The following HCN1 variants were observed in gnomAD, a reference collection of about 807,000 sequenced individuals.
HCN1 encodes the protein hyperpolarization activated cyclic nucleotide gated potassium channel 1, also known as potassium/sodium hyperpolarization-activated cyclic nucleotide-gated channel 1.
HCN1 carries 13 observed loss-of-function variants against 78.9 expected under a neutral mutation model. The ratio of observed to expected loss-of-function variants is 0.16; its 90% CI spans 0.11 to 0.26. The LOEUF is 0.26. HCN1 is among the 10% of genes least tolerant of loss of function. The pLI, the probability that HCN1 is intolerant of heterozygous loss-of-function variation, is 1.00. For synonymous variants in HCN1, 552 were observed against 455.5 expected (o/e 1.21, Z -2.70); for missense variants, 810 against 1,154.3 (o/e 0.70, Z 4.32).
At chr5:45,438,640 A>C (rs367688619) in intron 3 of HCN1, among the ~76,000 whole-genome samples, 2 of 152,012 alleles carry the variant, frequency 1.3e-5, no homozygotes, top group Non-Finnish European at 2.9e-5. Context: ...CAACAACAAC[A>C]AAAACAACAA....
intron 2 of HCN1, among the ~76,000 whole-genome samples, chr5:45,471,932 C>T (rs1741400496): frequency 6.6e-6 from 1 of 151,854 alleles, no homozygotes; most frequent in African/African-American, 2.4e-5. Flanking sequence ...AAAATATGGT[C>T]CACTTGGCAT....
At chr5:45,288,509 T>C (rs1745311517) in intron 6 of HCN1, among the ~76,000 whole-genome samples, 1 of 152,034 alleles carries the variant, frequency 6.6e-6, no homozygotes, top group Non-Finnish European at 1.5e-5. Context: ...CACATGATGA[T>C]TCTGAGCCCC....
At chr5:45,394,454 A>G (rs990383458) in intron 4 of HCN1, among the ~76,000 whole-genome samples, 3 of 152,312 alleles carry the variant, frequency 2.0e-5, no homozygotes, top group South Asian at 4.1e-4. Flanking sequence ...GAAGCTGCAC[A>G]TTACTCATCC....
intron 5 of HCN1, among the ~76,000 whole-genome samples, chr5:45,341,135 C>A (rs1431329775): frequency 6.6e-6 from 1 of 152,068 alleles, no homozygotes; most frequent in African/African-American, 2.4e-5. Flanking sequence ...TTTATGGAAA[C>A]AATGTCCTAA....
chr5:45,459,889 A>G (rs997458404), intron 3 of HCN1, among the ~76,000 whole-genome samples: 2 of 152,108 alleles, frequency 1.3e-5, no homozygotes, highest in Non-Finnish European at 2.9e-5. Context: ...GAAAAATACA[A>G]TTATTACTAT....
chr5:45,465,123 T>C (rs1296591783), intron 2 of HCN1, among the ~76,000 whole-genome samples: 1 of 152,112 alleles, frequency 6.6e-6, no homozygotes. Context: ...TCATGTAAAA[T>C]GGCACCATGA....
chr5:45,562,791 C>T (rs1743631904), intron 2 of HCN1, among the ~76,000 whole-genome samples: 1 of 152,156 alleles, frequency 6.6e-6, no homozygotes, highest in Admixed American at 6.5e-5. Context: ...ACGCAAAACC[C>T]TCTTGAATAG....
At position 45,258,072 on chromosome 5, in the gene HCN1, A is replaced by C. The variant is rs1035863853; in HGVS notation, c.*3849T>G. ...CTAAAAAGATAAAGATATAATGGAG[A>C]GATATCTCATTCAAACAGGTTAACA... On this transcript the variant is annotated 3_prime_UTR_variant, in exon 8 of 8. Coordinates refer to ENST00000303230, the MANE Select transcript of HCN1 (RefSeq NM_021072.4). 19 of 152,148 alleles carry C rather than the reference A, an allele frequency of 1.2e-4. No individual in the cohort carries two copies. Among genetic ancestry groups the C allele is most frequent in the African/African-American group, 3.6e-4 (15 of 41,408 alleles). 9.4% of individuals were successfully genotyped at this position (152,148 alleles called of 1,614,324 possible). A position where few individuals can be genotyped will look rare whatever the true frequency, so the allele number is the denominator to read the frequency against.
At chr5:45,478,937 C>A (rs1439863790) in intron 2 of HCN1, among the ~76,000 whole-genome samples, 1 of 152,032 alleles carries the variant, frequency 6.6e-6, no homozygotes, top group African/African-American at 2.4e-5. Flanking sequence ...GCCTGGCCAA[C>A]ATGGTTAAAC....
chr5:45,495,584 C>T (rs1025889477), intron 2 of HCN1, among the ~76,000 whole-genome samples: 3 of 152,142 alleles, frequency 2.0e-5, no homozygotes, highest in African/African-American at 7.2e-5. Flanking sequence ...TAATTGAATA[C>T]ACTTTATTTC....
intron 2 of HCN1, among the ~76,000 whole-genome samples, chr5:45,589,728 A>C (rs1287984974): frequency 6.6e-6 from 1 of 152,242 alleles, no homozygotes; most frequent in Non-Finnish European, 1.5e-5. Context: ...TAATATTTCA[A>C]TAGATGCTAG....
chr5:45,615,520 T>C (rs1352503755), intron 2 of HCN1, among the ~76,000 whole-genome samples: 3 of 152,002 alleles, frequency 2.0e-5, no homozygotes, highest in Admixed American at 2.0e-4. Flanking sequence ...ATTGCAAGAC[T>C]ACAGAATAAA....
intron 2 of HCN1, among the ~76,000 whole-genome samples, chr5:45,544,972 G>T (rs1460469533): frequency 1.1e-4 from 17 of 152,108 alleles, no homozygotes; most frequent in Non-Finnish European, 7.4e-5. Context: ...CCAGTAATGG[G>T]ATGGCTGGGT....
chr5:45,584,955 C>G (rs1045084898), intron 2 of HCN1, among the ~76,000 whole-genome samples: 2 of 152,134 alleles, frequency 1.3e-5, no homozygotes, highest in Non-Finnish European at 2.9e-5. Context: ...CTCTGGCTGC[C>G]CTTAACATTT....
rs148314906 is a variant in HCN1, at chr5:45,678,505, C to T, written c.425+17164G>A. The stretch of plus-strand genomic sequence containing the variant: ...AAACACTGACCTTTTTGTATAATAA[C>T]TGCGTCTCTCCTCAATATTTGTGGC... On this transcript the variant is annotated intron_variant, in intron 1 of 7. Transcript: ENST00000303230. 3.9e-3 allele frequency among the ~76,000 whole-genome samples: 590 copies of T among 151,974 alleles called. 5 individuals are homozygous for T. Among genetic ancestry groups the T allele is most frequent in the African/African-American group, 0.014 (572 of 41,506 alleles).
chr5:45,259,582 A>T lies in HCN1; in HGVS notation c.*2339T>A, dbSNP rs1449831566. The T allele has an allele frequency of 1.3e-5, 2 of 152,168 alleles. No homozygotes were observed. Among genetic ancestry groups the T allele is most frequent in the Non-Finnish European group, 2.9e-5 (2 of 67,876 alleles). The allele number at this position is 152,168 out of a possible 1,614,324, so 9.4% of individuals were successfully genotyped here. ...ATTCATACATATATGTATATAATTT[A>T]CCCTGTACCTTTTTATTAGTTTAAT... On this transcript the variant is annotated 3_prime_UTR_variant, in exon 8 of 8. Coordinates refer to ENST00000303230, the MANE Select transcript of HCN1 (RefSeq NM_021072.4).
intron 4 of HCN1, among the ~76,000 whole-genome samples, chr5:45,381,666 G>T (rs114399392): frequency 1.5e-3 from 232 of 151,978 alleles, no homozygotes; most frequent in African/African-American, 5.5e-3. Flanking sequence ...CATCAATCCA[G>T]CAAGTCCTGC....
At chr5:45,270,757 T>C (rs1057164391) in intron 6 of HCN1, among the ~76,000 whole-genome samples, 6 of 152,150 alleles carry the variant, frequency 3.9e-5, no homozygotes, top group Non-Finnish European at 7.4e-5. Flanking sequence ...AGAGCATGTG[T>C]TTATATATTA....
intron 2 of HCN1, among the ~76,000 whole-genome samples, chr5:45,500,932 A>G (rs188252336): frequency 8.3e-4 from 127 of 152,344 alleles, no homozygotes; most frequent in African/African-American, 3.0e-3. Context: ...CAAAATTCAC[A>G]TCAACAAATG....
Sources: gnomAD v4.1 joint callset for allele counts (sites outside exome capture counted in the v4.1 genomes callset) on GRCh38, gnomAD v4.1.1 for gene constraint, MANE v1.5 for transcripts, NCBI Gene and HGNC (gene_info 2026-07-23, HGNC 2026-07-21) for gene names.